TMEM132B: variants seen among roughly 807,000 people sequenced by gnomAD.
The protein encoded by TMEM132B is transmembrane protein 132B.
TMEM132B carries 18 observed loss-of-function variants against 90.8 expected under a neutral mutation model. That is an observed-to-expected ratio of 0.20 (90% CI 0.14 to 0.29). The LOEUF is 0.29. TMEM132B is among the 10% of genes least tolerant of loss of function. The probability of loss-of-function intolerance (pLI) is 1.00; values close to 1 mark genes in which losing one functional copy is unlikely to be tolerated. For synonymous variants in TMEM132B, 504 were observed against 523.3 expected (o/e 0.96, Z 0.50); for missense variants, 1,096 against 1,326.8 (o/e 0.83, Z 2.70).
chr12:125,215,281 T>G (rs184752160), intron 1 of TMEM132B, among the ~76,000 whole-genome samples: 19 of 152,346 alleles, frequency 1.2e-4, no homozygotes, highest in African/African-American at 4.3e-4. Flanking sequence ...ACAAATTTAT[T>G]ATCTGAAACT....
chr12:125,636,270 A>G (rs1886476464), intron 5 of TMEM132B, among the ~76,000 whole-genome samples: 1 of 152,110 alleles, frequency 6.6e-6, no homozygotes, highest in African/African-American at 2.4e-5. Flanking sequence ...GGTTACACTC[A>G]GTGCACCATC....
intron 4 of TMEM132B, among the ~76,000 whole-genome samples, chr12:125,571,135 C>T (rs558429588): frequency 9.2e-5 from 14 of 152,046 alleles, no homozygotes; most frequent in Non-Finnish European, 1.6e-4. Context: ...GTTTGTTTTC[C>T]AAGTGAGGAG....
At chr12:125,443,448 G>C (rs1447436590) in intron 3 of TMEM132B, among the ~76,000 whole-genome samples, 1 of 152,148 alleles carries the variant, frequency 6.6e-6, no homozygotes, top group African/African-American at 2.4e-5. Context: ...ATGGGAGTGG[G>C]GAGGGCCTTG....
At chr12:125,324,780 A>C (rs1211565812) in intron 1 of TMEM132B, among the ~76,000 whole-genome samples, 2 of 152,164 alleles carry the variant, frequency 1.3e-5, no homozygotes. Flanking sequence ...GGTGCCAAAA[A>C]GGTTGGGGAC....
intron 5 of TMEM132B, among the ~76,000 whole-genome samples, chr12:125,606,533 G>T (rs1885700846): frequency 1.3e-5 from 2 of 152,218 alleles, no homozygotes; most frequent in South Asian, 4.1e-4. Flanking sequence ...ACATGTGAGT[G>T]TATGCATGTT....
chr12:125,386,632 G>T (rs1460726958), intron 2 of TMEM132B, among the ~76,000 whole-genome samples: 1 of 152,222 alleles, frequency 6.6e-6, no homozygotes, highest in Non-Finnish European at 1.5e-5. Context: ...GAGTGAGCAG[G>T]CTGAATAAAG....
intron 3 of TMEM132B, among the ~76,000 whole-genome samples, chr12:125,434,735 C>T (rs1593145563): frequency 6.6e-6 from 1 of 152,226 alleles, no homozygotes; most frequent in Non-Finnish European, 1.5e-5. Context: ...GTTCTAATCT[C>T]TGTGTTTTTT....
chr12:125,553,195 G>A (rs2136766177), intron 4 of TMEM132B, among the ~76,000 whole-genome samples: 1 of 152,308 alleles, frequency 6.6e-6, no homozygotes. Flanking sequence ...TAGCTTCTCT[G>A]TACTGAATAC....
intron 1 of TMEM132B, among the ~76,000 whole-genome samples, chr12:125,292,854 G>A (rs534999381): frequency 1.3e-5 from 2 of 152,226 alleles, no homozygotes; most frequent in South Asian, 4.1e-4. Flanking sequence ...TCATTCAGTG[G>A]CTAGAAGTTT....
intron 1 of TMEM132B, among the ~76,000 whole-genome samples, chr12:125,296,384 T>C (rs1272528110): frequency 6.6e-6 from 1 of 152,188 alleles, no homozygotes; most frequent in East Asian, 1.9e-4. Context: ...CTTTTAAGTC[T>C]CTGCCCAGAT....
Position 125,406,359 on chromosome 12 carries a change from A to G in TMEM132B, c.960-9172A>G, listed in dbSNP as rs78625117. 0.14 allele frequency among the ~76,000 whole-genome samples: 21,427 copies of G among 152,236 alleles called. 1,633 individuals carry two copies. The highest frequency in any genetic ancestry group is 0.2 in the Middle Eastern group (59 of 294). On this transcript the variant is annotated intron_variant, in intron 2 of 8. Coordinates refer to ENST00000682704, the MANE Select transcript of TMEM132B (RefSeq NM_001366854.1). The surrounding 1 kb of genome is among the most constrained non-coding windows in gnomAD (Gnocchi z 8.3). ...CGAGGCATCTGTGTATTAGCAGTGC[A>G]AGGCGGAGGACAGTGCCTGGCTTCT...
intron 1 of TMEM132B, among the ~76,000 whole-genome samples, chr12:125,216,907 G>A (rs944228108): frequency 6.6e-6 from 1 of 152,186 alleles, no homozygotes; most frequent in Admixed American, 6.5e-5. Context: ...CTGCGTGGCT[G>A]GGCAGGATGC....
chr12:125,348,405 C>T (rs1877435005), intron 1 of TMEM132B, among the ~76,000 whole-genome samples: 1 of 152,124 alleles, frequency 6.6e-6, no homozygotes, highest in Non-Finnish European at 1.5e-5. Context: ...CAGCTCACTG[C>T]AATCTCCGCC....
intron 5 of TMEM132B, among the ~76,000 whole-genome samples, chr12:125,595,336 G>A (rs1256427970): frequency 2.6e-5 from 4 of 152,144 alleles, no homozygotes; most frequent in South Asian, 2.1e-4. Context: ...AATTAATGTC[G>A]CTGCTCATGG....
chr12:125,517,391 A>C (rs1883193736), intron 3 of TMEM132B, among the ~76,000 whole-genome samples: 2 of 123,624 alleles, frequency 1.6e-5, no homozygotes, highest in Admixed American at 1.1e-4. Context: ...ACGGGGTTTC[A>C]CTATGTTAGC....
chr12:125,400,668 G>A (rs1446483820), intron 2 of TMEM132B, among the ~76,000 whole-genome samples: 3 of 152,210 alleles, frequency 2.0e-5, no homozygotes, highest in Admixed American at 2.0e-4. Context: ...CCAGCCTCCA[G>A]GTGCTTAGTG....
At chr12:125,638,046 G>T (rs367824993) in intron 5 of TMEM132B, among the ~76,000 whole-genome samples, 1 of 152,146 alleles carries the variant, frequency 6.6e-6, no homozygotes, top group Non-Finnish European at 1.5e-5. Flanking sequence ...GTGTATTTAG[G>T]TCTTGCCTTT....
chr12:125,255,760 A>C (rs544642542), intron 1 of TMEM132B, among the ~76,000 whole-genome samples: 3 of 152,078 alleles, frequency 2.0e-5, no homozygotes, highest in African/African-American at 7.2e-5. Flanking sequence ...GTGAAATGAG[A>C]TGTTCTCGAG....
At chr12:125,296,150 C>T (rs577596605) in intron 1 of TMEM132B, among the ~76,000 whole-genome samples, 4 of 152,196 alleles carry the variant, frequency 2.6e-5, no homozygotes, top group East Asian at 1.9e-4. Context: ...TATCTCATTC[C>T]GATAAAAGCC....
Sources: allele counts gnomAD v4.1 joint callset (sites outside exome capture counted in the v4.1 genomes callset), GRCh38; gene constraint gnomAD v4.1.1; non-coding constraint Gnocchi (gnomAD v3.1); transcripts MANE v1.5; gene names NCBI Gene and HGNC (gene_info 2026-07-23, HGNC 2026-07-21).